The following GRM8 variants were observed in gnomAD, a reference collection of about 807,000 sequenced individuals.
GRM8 encodes the protein glutamate metabotropic receptor 8, also known as metabotropic glutamate receptor 8.
In GRM8, 47 loss-of-function variants were observed where a neutral mutation model predicts 87.2. The observed-to-expected ratio is 0.54, with a 90% confidence interval of 0.43 to 0.69. The LOEUF (loss-of-function observed/expected upper bound fraction) is 0.69, where lower values mean the gene tolerates loss of function less well. Ranked by LOEUF, GRM8 falls within the 30% of genes least tolerant of loss-of-function variation. The pLI is 0.00. For synonymous variants in GRM8, 396 were observed against 404.5 expected (o/e 0.98, Z 0.25); for missense variants, 1,019 against 1,139.2 (o/e 0.89, Z 1.52).
chr7:126,675,042 T>C (rs1333124802), intron 7 of GRM8, among the ~76,000 whole-genome samples: 2 of 152,232 alleles, frequency 1.3e-5, no homozygotes, highest in South Asian at 2.1e-4. Flanking sequence ...AAAACTCATA[T>C]GTTGAAATTC....
chr7:126,565,350 T>C (rs548778695), intron 8 of GRM8, among the ~76,000 whole-genome samples: 6 of 152,042 alleles, frequency 3.9e-5, no homozygotes, highest in Non-Finnish European at 7.4e-5. Context: ...ACAAATTCAA[T>C]AGAGTTAAAT....
At chr7:126,445,478 A>G (rs1028170546) in intron 10 of GRM8, 4 of 152,320 alleles carry the variant, frequency 2.6e-5, no homozygotes, top group Admixed American at 1.3e-4. Flanking sequence ...ATAGGTAAAG[A>G]AAAGAAAAAT....
intron 9 of GRM8, among the ~76,000 whole-genome samples, chr7:126,517,421 G>A (rs1000459930): frequency 6.6e-6 from 1 of 151,968 alleles, no homozygotes; most frequent in Non-Finnish European, 1.5e-5. Flanking sequence ...TTACAGACAC[G>A]AGCTGAGGCT....
intron 3 of GRM8, among the ~76,000 whole-genome samples, chr7:126,975,214 G>A (rs1258039035): frequency 6.6e-6 from 1 of 152,126 alleles, no homozygotes; most frequent in Non-Finnish European, 1.5e-5. Flanking sequence ...ACATGAACTG[G>A]TCATGTTCAT....
intron 8 of GRM8, among the ~76,000 whole-genome samples, chr7:126,543,046 T>A (rs942593942): frequency 3.3e-5 from 5 of 152,168 alleles, no homozygotes; most frequent in Non-Finnish European, 7.4e-5. Flanking sequence ...TTCCACTGCA[T>A]ACATAAATCC....
intron 3 of GRM8, among the ~76,000 whole-genome samples, chr7:126,972,071 T>C (rs561376362): frequency 1.3e-5 from 2 of 152,266 alleles, no homozygotes; most frequent in African/African-American, 4.8e-5. Context: ...TGAGTAGTGC[T>C]CATGCTTCTA....
At chr7:126,491,080 A>C (rs990588372) in intron 9 of GRM8, among the ~76,000 whole-genome samples, 4 of 152,204 alleles carry the variant, frequency 2.6e-5, no homozygotes, top group African/African-American at 9.6e-5. Flanking sequence ...TCAAGTGATC[A>C]GTGAAGTTTG....
chr7:126,928,401 G>GT (rs1348379819), intron 3 of GRM8, among the ~76,000 whole-genome samples: 1 of 152,140 alleles, frequency 6.6e-6, no homozygotes, highest in African/African-American at 2.4e-5. Context: ...CCCAGGCATG[G>GT]TAACTCACAC....
At chr7:127,013,726 G>A (rs1333785061) in intron 3 of GRM8, among the ~76,000 whole-genome samples, 1 of 152,036 alleles carries the variant, frequency 6.6e-6, no homozygotes, top group East Asian at 1.9e-4. Flanking sequence ...TTCTTTTTCA[G>A]GAGCTGTTTT....
intron 3 of GRM8, among the ~76,000 whole-genome samples, chr7:126,999,636 T>G (rs969550699): frequency 1.3e-5 from 2 of 151,678 alleles, no homozygotes; most frequent in Non-Finnish European, 3.0e-5. Flanking sequence ...TACGAAAAGG[T>G]GCTCAATGTC....
chr7:127,115,102 T>C (rs1187942412), intron 2 of GRM8, among the ~76,000 whole-genome samples: 2 of 152,034 alleles, frequency 1.3e-5, no homozygotes, highest in Non-Finnish European at 2.9e-5. Flanking sequence ...CAAAAGGAAA[T>C]TGCATTCTGA....
intron 6 of GRM8, among the ~76,000 whole-genome samples, chr7:126,865,423 A>G (rs1798500526): frequency 6.6e-6 from 1 of 152,236 alleles, no homozygotes; most frequent in African/African-American, 2.4e-5. Flanking sequence ...ATAGAGATAT[A>G]CTTCACATGT....
At chr7:126,929,483 C>T (rs2402845) in intron 3 of GRM8, among the ~76,000 whole-genome samples, 3 of 151,934 alleles carry the variant, frequency 2.0e-5, no homozygotes, top group Non-Finnish European at 4.4e-5. Context: ...ACCCAGGCTG[C>T]AGTGCAGTGG....
At chr7:126,887,491 T>G (rs1040288706) in intron 6 of GRM8, among the ~76,000 whole-genome samples, 1 of 151,916 alleles carries the variant, frequency 6.6e-6, no homozygotes, top group Non-Finnish European at 1.5e-5. Context: ...AGAAGGGAGA[T>G]ATTGAGAACA....
intron 3 of GRM8, among the ~76,000 whole-genome samples, chr7:127,042,111 C>T (rs1028801443): frequency 1.3e-5 from 2 of 152,148 alleles, no homozygotes; most frequent in Admixed American, 6.5e-5. Flanking sequence ...ACACAATTAC[C>T]ATTCCTTCCC....
At chr7:126,848,953 A>G (rs974121796) in intron 6 of GRM8, among the ~76,000 whole-genome samples, 2 of 152,190 alleles carry the variant, frequency 1.3e-5, no homozygotes, top group Admixed American at 1.3e-4. Flanking sequence ...AAGGAGGAGT[A>G]AGTCACATCT....
chr7:126,735,184 T>C (rs1470300869), intron 7 of GRM8, among the ~76,000 whole-genome samples: 1 of 151,970 alleles, frequency 6.6e-6, no homozygotes, highest in Admixed American at 6.6e-5. Flanking sequence ...AGAAATACAA[T>C]TGTAAAATAT....
At chr7:126,995,903 A>T (rs1187137071) in intron 3 of GRM8, among the ~76,000 whole-genome samples, 1 of 152,034 alleles carries the variant, frequency 6.6e-6, no homozygotes, top group Non-Finnish European at 1.5e-5. Flanking sequence ...AAAGAAGACT[A>T]CCTAAAGGCA....
At chr7:127,167,697 G>T (rs973786979) in intron 2 of GRM8, among the ~76,000 whole-genome samples, 4 of 152,040 alleles carry the variant, frequency 2.6e-5, no homozygotes, top group Admixed American at 1.3e-4. Context: ...TAATCAATAA[G>T]TTTTGTGTGT....
Sources: gnomAD v4.1 joint callset for allele counts (sites outside exome capture counted in the v4.1 genomes callset) on GRCh38, gnomAD v4.1.1 for gene constraint, MANE v1.5 for transcripts, NCBI Gene and HGNC (gene_info 2026-07-23, HGNC 2026-07-21) for gene names.